KCNH8: variants seen among roughly 807,000 people sequenced by gnomAD.
The protein encoded by KCNH8 is voltage-gated delayed rectifier potassium channel KCNH8.
KCNH8 carries 70 observed loss-of-function variants against 103.6 expected under a neutral mutation model. The ratio of observed to expected loss-of-function variants is 0.68; its 90% confidence interval spans 0.56 to 0.82. KCNH8 has a LOEUF of 0.82. Among genes scored for constraint, KCNH8 ranks in the 40% least tolerant of loss-of-function variants. The pLI, the probability that KCNH8 is intolerant of heterozygous loss-of-function variation, is 0.00. For synonymous variants in KCNH8, 498 were observed against 489.4 expected, an observed-to-expected ratio of 1.02 and a Z score of -0.23; for missense variants, 1,217 against 1,329.9, an observed-to-expected ratio of 0.92 and a Z score of 1.32.
chr3:19,291,153 G>T (rs1209358231), intron 3 of KCNH8, among the ~76,000 whole-genome samples: 1 of 151,860 alleles, frequency 6.6e-6, no homozygotes, highest in African/African-American at 2.4e-5. Context: ...TATTAGTCTT[G>T]CTAGCAGTCT....
intron 1 of KCNH8, among the ~76,000 whole-genome samples, chr3:19,159,681 C>T (rs1231458938): frequency 6.6e-6 from 1 of 152,014 alleles, no homozygotes; most frequent in Admixed American, 6.6e-5. Flanking sequence ...CTGAAAGATG[C>T]CCAGAAATAT....
chr3:19,471,927 G>A (rs573590026), intron 11 of KCNH8, among the ~76,000 whole-genome samples: 29 of 152,274 alleles, frequency 1.9e-4, no homozygotes, highest in African/African-American at 6.5e-4. Flanking sequence ...AGTAAAAAAT[G>A]AAGCACAGCA....
At chr3:19,219,449 A>C (rs1173601018) in intron 1 of KCNH8, among the ~76,000 whole-genome samples, 1 of 152,172 alleles carries the variant, frequency 6.6e-6, no homozygotes, top group Non-Finnish European at 1.5e-5. Context: ...TTGTAATCCA[A>C]GCACCTACAA....
intron 2 of KCNH8, among the ~76,000 whole-genome samples, chr3:19,264,177 C>G (rs915149397): frequency 6.6e-6 from 1 of 151,994 alleles, no homozygotes; most frequent in East Asian, 1.9e-4. Context: ...CTTTTGCATT[C>G]AAGAGGTGAA....
chr3:19,221,436 T>C (rs1228488378), intron 1 of KCNH8, among the ~76,000 whole-genome samples: 1 of 152,204 alleles, frequency 6.6e-6, no homozygotes, highest in Non-Finnish European at 1.5e-5. Context: ...CGGCAGTCAG[T>C]GATTAATAAA....
chr3:19,350,202 G>A (rs2065781227), intron 5 of KCNH8, among the ~76,000 whole-genome samples: 1 of 151,942 alleles, frequency 6.6e-6, no homozygotes, highest in South Asian at 2.1e-4. Flanking sequence ...ATTTCAAAAA[G>A]GTGGCCTAAA....
intron 11 of KCNH8, among the ~76,000 whole-genome samples, chr3:19,505,084 T>TAC (rs111724747): frequency 0.014 from 2,126 of 147,952 alleles, 20 homozygotes; most frequent in African/African-American, 0.025. Flanking sequence ...TATATATAGA[T>TAC]ACACACACAC....
intron 12 of KCNH8, among the ~76,000 whole-genome samples, chr3:19,512,525 T>A (rs915254722): frequency 1.3e-5 from 2 of 152,270 alleles, no homozygotes; most frequent in Admixed American, 1.3e-4. Flanking sequence ...TGCTGGTTAA[T>A]CTCCATGTAA....
intron 11 of KCNH8, among the ~76,000 whole-genome samples, chr3:19,499,726 A>G (rs2068532502): frequency 1.3e-5 from 2 of 152,210 alleles, no homozygotes; most frequent in African/African-American, 4.8e-5. Flanking sequence ...TCCTTTACAG[A>G]CAAGCAAATG....
At chr3:19,290,879 T>A (rs1439834011) in intron 3 of KCNH8, among the ~76,000 whole-genome samples, 1 of 152,114 alleles carries the variant, frequency 6.6e-6, no homozygotes, top group African/African-American at 2.4e-5. Context: ...GTCCTGGACT[T>A]TTTTTGGTTG....
intron 1 of KCNH8, among the ~76,000 whole-genome samples, chr3:19,177,274 AT>A (rs2063409823): frequency 6.6e-6 from 1 of 152,088 alleles, no homozygotes; most frequent in Non-Finnish European, 1.5e-5. Flanking sequence ...TAATTCAAAT[AT>A]TTTAATGCTT....
At chr3:19,190,067 T>G (rs1468433551) in intron 1 of KCNH8, among the ~76,000 whole-genome samples, 2 of 151,992 alleles carry the variant, frequency 1.3e-5, no homozygotes, top group African/African-American at 4.8e-5. Flanking sequence ...AAAATACCTT[T>G]GCTTGCTGAG....
At chr3:19,288,181 CTTTTTT>C (rs767659898) in intron 3 of KCNH8, among the ~76,000 whole-genome samples, 7 of 38,162 alleles carry the variant, frequency 1.8e-4, no homozygotes, top group East Asian at 1.1e-3. Context: ...TATCAAACTT[CTTTTTT>C]TTTTTTTTTT....
intron 3 of KCNH8, among the ~76,000 whole-genome samples, chr3:19,308,298 A>G (rs2065156218): frequency 6.7e-6 from 1 of 148,796 alleles, no homozygotes; most frequent in Non-Finnish European, 1.5e-5. Context: ...TTAAAAAAAA[A>G]AAAGGTGATG....
At chr3:19,497,568 G>A (rs548485515) in intron 11 of KCNH8, among the ~76,000 whole-genome samples, 5 of 152,122 alleles carry the variant, frequency 3.3e-5, no homozygotes, top group Non-Finnish European at 7.4e-5. Flanking sequence ...TTTTCTTAAT[G>A]TTGATTTCTG....
chr3:19,460,488 T>G (rs1464677336), intron 11 of KCNH8, among the ~76,000 whole-genome samples: 4 of 152,152 alleles, frequency 2.6e-5, no homozygotes, highest in Non-Finnish European at 4.4e-5. Context: ...CTCAAATCCC[T>G]TATGCTTTGG....
intron 11 of KCNH8, among the ~76,000 whole-genome samples, chr3:19,474,315 C>T (rs1368294144): frequency 1.3e-5 from 2 of 152,142 alleles, no homozygotes; most frequent in Non-Finnish European, 2.9e-5. Context: ...AGGCAGTCTG[C>T]TTACAGCGCA....
chr3:19,437,412 T>C (rs1482259719), intron 7 of KCNH8, among the ~76,000 whole-genome samples: 1 of 152,204 alleles, frequency 6.6e-6, no homozygotes, highest in East Asian at 1.9e-4. Context: ...GACAGCACAA[T>C]TAATATACAA....
In KCNH8 at chr3:19,513,064, T is replaced by A; in HGVS notation, c.2174T>A (p.Val725Asp). Reference protein sequence around the residue: ...EEEEGEEEEAVSLSPICTRGS... With the variant: ...EEEEGEEEEADSLSPICTRGS... ...GAGGAGGGGGAGGAAGAGGAGGCAG[T>A]CTCCCTCTCTCCCATCTGCACAAGG... Residue 725 changes from valine to aspartate, a missense_variant, in exon 13 of 16, where the codon GTC becomes GAC. Physicochemically the swap from Val to Asp is radical, Grantham distance 152. Coordinates refer to ENST00000328405, the MANE Select transcript of KCNH8 (RefSeq NM_144633.3). 1 of 1,613,512 alleles carries A rather than the reference T, an allele frequency of 6.2e-7. No homozygotes were observed. Among genetic ancestry groups the A allele is most frequent in the Non-Finnish European group, 8.5e-7 (1 of 1,179,800 alleles).
Sources: gnomAD v4.1 joint callset for allele counts (sites outside exome capture counted in the v4.1 genomes callset) on GRCh38, gnomAD v4.1.1 for gene constraint, MANE v1.5 for transcripts, NCBI Gene and HGNC (gene_info 2026-07-23, HGNC 2026-07-21) for gene names.